Variants in SIX4 observed in about 807,000 individuals in gnomAD.
SIX4 encodes homeobox protein SIX4.
Under a neutral mutation model 51.5 loss-of-function variants are expected in SIX4, and 23 were observed. The observed-to-expected ratio is 0.45, with a 90% CI of 0.32 to 0.63. SIX4 has a LOEUF of 0.63. Ranked by LOEUF, SIX4 falls within the 30% of genes least tolerant of loss-of-function variation. SIX4 has a pLI of 0.04. For synonymous variants in SIX4, 413 were observed against 417.3 expected (o/e 0.99, Z 0.13); for missense variants, 867 against 984.0 (o/e 0.88, Z 1.59).
intron 2 of SIX4, among the ~76,000 whole-genome samples, chr14:60,714,807 A>T (rs918282504): frequency 6.6e-6 from 1 of 151,532 alleles, no homozygotes; most frequent in African/African-American, 2.4e-5. Flanking sequence ...CTGTGACTAT[A>T]GGCATGCGCC....
intron 1 of SIX4, chr14:60,721,091 C>T: frequency 1.0e-6 from 1 of 985,534 alleles, no homozygotes; most frequent in Non-Finnish European, 1.2e-6. Context: ...GTGCAGTCGC[C>T]TTTGAATCCA....
chr14:60,713,515 A>T lies in SIX4; in HGVS notation c.2238T>A (p.Tyr746Ter), dbSNP rs777531269. The T allele has an allele frequency of 9.3e-6, 15 of 1,614,204 alleles. No homozygotes were observed. In the South Asian group the frequency reaches 1.6e-4, roughly 18 times the overall value. ...CAGTATCAACCATGCCATCTAAGAC[A>T]TACTTGGATTTAGAGTCCAGCATCA... The part of the protein sequence containing the change: ...SLMMLDSKSK[Y>*]VLDGMVDTVC... The change falls in exon 3 of 3, where the codon TAT becomes TAA. Residue 746 changes from tyrosine to a stop codon, truncating the protein, a stop_gained. Coordinates refer to ENST00000216513, the MANE Select transcript of SIX4 (RefSeq NM_017420.5). LOFTEE classifies it high-confidence loss of function.
rs1293875611 is a variant in SIX4, at chr14:60,723,634, G to A, written c.441C>T (p.Ser147=). The change falls in exon 1 of 3, where the codon AGC becomes AGT. Residue 147 remains serine, a synonymous_variant. Coordinates refer to ENST00000216513, the MANE Select transcript of SIX4 (RefSeq NM_017420.5). ...CCACGAGCGCCCGCGCCTTCAGCAG[G>A]CTCTCGTTGCCACGTAGCAGGTCGC... is the stretch of plus-strand genomic sequence containing the variant. ...PQSDLLRGNE[S]LLKARALVAF... is the part of the protein sequence containing the mutation. 1 of 1,603,256 alleles carries A rather than the reference G, an allele frequency of 6.2e-7. No individual in the cohort carries two copies. Among genetic ancestry groups the A allele is most frequent in the Non-Finnish European group, 8.5e-7 (1 of 1,175,596 alleles).
In SIX4 at chr14:60,723,683, C is replaced by T; in HGVS notation, c.392G>A (p.Arg131Gln). 6.4e-7 allele frequency: 1 copy of T among 1,571,660 alleles called. No homozygotes were observed. Among genetic ancestry groups the T allele is most frequent in the Admixed American group, 1.9e-5 (1 of 53,272 alleles). Reference protein sequence around the residue: ...QQGGNLDRLARFLWSLPQSDL... With the variant: ...QQGGNLDRLAQFLWSLPQSDL... ...GCTCTGGGGCAGGGACCACAGGAAC[C>T]GGGCCAGGCGGTCCAGGTTGCCCCC... The change falls in exon 1 of 3, where the codon CGG (arginine) becomes CAG (glutamine). Residue 131 changes from arginine (R) to glutamine (Q), a missense_variant. Arg to Gln is a conservative substitution (Grantham distance 43). Transcript: ENST00000216513.
chr14:60,713,243 T>A lies in SIX4; in HGVS notation c.*164A>T. ...CTGCAATAATGCAGTTCTACTCCTG[T>A]ATACTTAACTGTGATCTTCATGCAG... On this transcript the variant is annotated 3_prime_UTR_variant, in exon 3 of 3. Coordinates refer to ENST00000216513, the MANE Select transcript of SIX4 (RefSeq NM_017420.5). 3 of 672,648 alleles carry A rather than the reference T, an allele frequency of 4.5e-6. No homozygotes were observed. Among genetic ancestry groups the A allele is most frequent in the Non-Finnish European group, 7.3e-6 (3 of 409,866 alleles). 41.7% of individuals were successfully genotyped at this position (672,648 alleles called of 1,614,324 possible).
Position 60,709,664 on chromosome 14 carries a change from C to G in SIX4, c.*3743G>C, listed in dbSNP as rs538245047. 1 of 152,604 alleles carries G rather than the reference C, an allele frequency of 6.6e-6. No homozygotes were observed. Among genetic ancestry groups the G allele is most frequent in the Non-Finnish European group, 1.5e-5 (1 of 68,038 alleles). The allele number at this position is 152,604 out of a possible 1,614,324, so 9.5% of individuals were successfully genotyped here. On this transcript the variant is annotated 3_prime_UTR_variant, in exon 3 of 3. Transcript: ENST00000216513. The surrounding 1 kb of genome is among the most constrained non-coding windows in gnomAD (Gnocchi z 4.1). ...CCATTACAGTACGACATACATACTT[C>G]AGATCTCTTTGGTTGGGTAATTAAG...
In SIX4 at chr14:60,713,684, G is replaced by A. The variant is rs1895864208; in HGVS notation, c.2069C>T (p.Pro690Leu). 2 of 1,614,078 alleles carry A rather than the reference G, an allele frequency of 1.2e-6. No homozygotes were observed. The highest frequency in any genetic ancestry group is 8.5e-7 in the Non-Finnish European group (1 of 1,180,048). ...MTQAALGEIV[P>L]TAEDQVGHPS... is the part of the protein sequence containing the mutation. ...GTGACCTACCTGATCTTCAGCTGTA[G>A]GAACTATTTCCCCAAGGGCAGCCTG... is the stretch of plus-strand genomic sequence containing the variant. The change falls in exon 3 of 3, where the codon CCT becomes CTT. Residue 690 changes from proline (P) to leucine (L), a missense_variant. Pro to Leu is a moderately conservative substitution (Grantham distance 98). Transcript: ENST00000216513.
Position 60,720,024 on chromosome 14 carries a change from T to C in SIX4, c.1285A>G (p.Asn429Asp), listed in dbSNP as rs1461786853. ...KEFKVLQSSA[N>D]SATTTSYSPS... ...CTGTAGGACGTGGTGGTTGCTGAGT[T>C]AGCAGAACTCTGGAGGACTTTGAAT... The change falls in exon 2 of 3, where the codon AAC (asparagine) becomes GAC (aspartate). Residue 429 changes from asparagine to aspartate, a missense_variant. By Grantham distance (23) the Asn-to-Asp change is conservative (BLOSUM62 1). Coordinates refer to ENST00000216513, the MANE Select transcript of SIX4 (RefSeq NM_017420.5). This position sits in a 1 kb window ranked among gnomAD's most constrained non-coding sequence, Gnocchi z 5.5. 3 of 1,614,192 alleles carry C rather than the reference T, an allele frequency of 1.9e-6. No individual in the cohort carries two copies. The highest frequency in any genetic ancestry group is 2.5e-6 in the Non-Finnish European group (3 of 1,180,030).
chr14:60,719,782 A>G lies in SIX4; in HGVS notation c.1527T>C (p.Pro509=). 1 of 1,614,034 alleles carries G rather than the reference A, an allele frequency of 6.2e-7. No homozygotes were observed. The highest frequency in any genetic ancestry group is 8.5e-7 in the Non-Finnish European group (1 of 1,179,946). ...TACCTTGTGAAGCTGCCACTGACAC[A>G]GGGGGCAGCTGCAGTGGAGAGAATC... ...SIGFSPLQLP[P]VSVAASQGNI... The change falls in exon 2 of 3, where the codon CCT becomes CCC. Residue 509 remains proline, a synonymous_variant. Transcript: ENST00000216513. This position sits in a 1 kb window ranked among gnomAD's most constrained non-coding sequence, Gnocchi z 4.9.
In SIX4 at chr14:60,723,818, A is replaced by T; in HGVS notation, c.257T>A (p.Leu86His). ...GTGCCTGCCCAGAAGTTCCGAGTGG[A>T]GTTGTACCTGATCCGCCGCCGCTCC... Reference protein sequence around the residue: ...AAGAAADQVQLHSELLGRHHH... With the variant: ...AAGAAADQVQHHSELLGRHHH... Residue 86 changes from leucine to histidine, a missense_variant, in exon 1 of 3, where the codon CTC becomes CAC. Coordinates refer to ENST00000216513, the MANE Select transcript of SIX4 (RefSeq NM_017420.5). 6.5e-7 allele frequency: 1 copy of T among 1,533,240 alleles called. No homozygotes were observed. Among genetic ancestry groups the T allele is most frequent in the East Asian group, 2.5e-5 (1 of 40,730 alleles). The allele number at this position is 1,533,240 out of a possible 1,614,324, so 95.0% of individuals were successfully genotyped here. A position where few individuals can be genotyped will look rare whatever the true frequency, so the allele number is the denominator to read the frequency against.
In SIX4 at chr14:60,717,239, T is replaced by TA. The variant is rs534690707; in HGVS notation, c.1549+2520dup. The TA allele has an allele frequency of 5.7e-4, 94 of 166,260 alleles. 1 individual carries two copies. Among genetic ancestry groups the TA allele is most frequent in the Non-Finnish European group, 9.4e-4 (73 of 77,896 alleles). The allele number at this position is 166,260 out of a possible 1,614,324, so 10.3% of individuals were successfully genotyped here. ...ACAGGCATGTGCCACCATGCCAGCC[T>TA]AATTTTTGTTTTTTTTAGTAGAGAC... On this transcript the variant is annotated intron_variant, in intron 2 of 2. Coordinates refer to ENST00000216513, the MANE Select transcript of SIX4 (RefSeq NM_017420.5). The surrounding 1 kb of genome is among the most constrained non-coding windows in gnomAD (Gnocchi z 4.6).
rs927701002 is a variant in SIX4, at chr14:60,724,312, C to G, written c.-238G>C. The G allele has an allele frequency of 2.7e-6, 4 of 1,507,164 alleles. No homozygotes were observed. The highest frequency in any genetic ancestry group is 2.8e-5 in the African/African-American group (2 of 72,382). The allele number at this position is 1,507,164 out of a possible 1,614,324, so 93.4% of individuals were successfully genotyped here. On this transcript the variant is annotated 5_prime_UTR_variant, in exon 1 of 3. Coordinates refer to ENST00000216513, the MANE Select transcript of SIX4 (RefSeq NM_017420.5). The stretch of plus-strand genomic sequence containing the variant: ...AAACGGATAGCTGCTTTCTGCCGTT[C>G]CCCCAACGTGACTCCTCCGGTTGCT...
intron 1 of SIX4, among the ~76,000 whole-genome samples, chr14:60,721,597 A>T (rs929780023): frequency 1.6e-5 from 2 of 127,268 alleles, no homozygotes; most frequent in African/African-American, 5.9e-5. Context: ...TAAACCAGGC[A>T]ACTGGGCCGG....
At chr14:60,715,176 T>G (rs17097755) in intron 2 of SIX4, among the ~76,000 whole-genome samples, 4,642 of 152,228 alleles carry the variant, frequency 0.03, 192 homozygotes, top group African/African-American at 0.099. Flanking sequence ...TCAGTCAAGT[T>G]TCTGTTTCTT....
chr14:60,723,024 C>T (rs1373303577), intron 1 of SIX4, 188 bp downstream of exon 1: 29 of 1,356,562 alleles, frequency 2.1e-5, no homozygotes, highest in Admixed American at 1.3e-4. Flanking sequence ...GGAGGTTCCC[C>T]CGCCCCCCGC....
rs752572184 is a variant in SIX4 at position 60,724,239 on chromosome 14, C to CT, written c.-166_-165insA. On this transcript the variant is annotated 5_prime_UTR_variant, in exon 1 of 3. An upstream open reading frame in the 5' UTR loses its in-frame stop. Coordinates refer to ENST00000216513, the MANE Select transcript of SIX4 (RefSeq NM_017420.5). ...CTGTATCTGGCCGATCAGGTTTCCC[C>CT]CCGGCCACGCAGTCACCATTAAGAT... 6.5e-7 allele frequency: 1 copy of CT among 1,540,210 alleles called. No homozygotes were observed. The highest frequency in any genetic ancestry group is 8.7e-7 in the Non-Finnish European group (1 of 1,149,180).
At chr14:60,721,508 G>T (rs376253683) in intron 1 of SIX4, among the ~76,000 whole-genome samples, 24 of 152,336 alleles carry the variant, frequency 1.6e-4, no homozygotes, top group East Asian at 7.7e-4. Flanking sequence ...TGATTTACAA[G>T]CTGAGGCTGA....
At chr14:60,716,684 C>A (rs1288818485) in intron 2 of SIX4, among the ~76,000 whole-genome samples, 1 of 152,132 alleles carries the variant, frequency 6.6e-6, no homozygotes. Context: ...CCACATCTGG[C>A]CTCAGTAAAC....
rs1186280548 is a variant in SIX4, at chr14:60,713,239, C to A, written c.*168G>T. On this transcript the variant is annotated 3_prime_UTR_variant, in exon 3 of 3. Coordinates refer to ENST00000216513, the MANE Select transcript of SIX4 (RefSeq NM_017420.5). ...AAGGCTGCAATAATGCAGTTCTACT[C>A]CTGTATACTTAACTGTGATCTTCAT... The A allele has an allele frequency of 6.1e-6, 4 of 656,266 alleles. No homozygotes were observed. Among genetic ancestry groups the A allele is most frequent in the African/African-American group, 1.8e-5 (1 of 54,946 alleles). The allele number at this position is 656,266 out of a possible 1,614,324, so 40.7% of individuals were successfully genotyped here.
Sources: gnomAD v4.1 joint callset for allele counts (sites outside exome capture counted in the v4.1 genomes callset) on GRCh38, gnomAD v4.1.1 for gene constraint, Gnocchi (gnomAD v3.1) non-coding constraint, MANE v1.5 for transcripts, NCBI Gene and HGNC (gene_info 2026-07-23, HGNC 2026-07-21) for gene names.